PPIG: variants seen among roughly 807,000 people sequenced by gnomAD.
The protein encoded by PPIG is peptidyl-prolyl cis-trans isomerase G.
In PPIG, 26 loss-of-function variants were observed where a neutral mutation model predicts 87.9. The observed-to-expected ratio is 0.30, with a 90% CI of 0.22 to 0.41. PPIG has a LOEUF of 0.41. PPIG is among the 10% of genes least tolerant of loss of function. The probability of loss-of-function intolerance (pLI) is 1.00; values close to 1 mark genes in which losing one functional copy is unlikely to be tolerated. For missense variants in PPIG, 722 were observed against 879.4 expected (o/e 0.82, Z 2.26); for synonymous variants, 308 against 276.5 (o/e 1.11, Z -1.13).
At chr2:169,594,499 A>G (rs924732859) in intron 1 of PPIG, among the ~76,000 whole-genome samples, 3 of 151,934 alleles carry the variant, frequency 2.0e-5, no homozygotes, top group Non-Finnish European at 4.4e-5. Flanking sequence ...GTGCTTACTG[A>G]TACGTGTGAA....
chr2:169,617,009 CTT>C (rs1685623825), intron 9 of PPIG, among the ~76,000 whole-genome samples: 1 of 150,972 alleles, frequency 6.6e-6, no homozygotes, highest in Non-Finnish European at 1.5e-5. Flanking sequence ...TAATCTATCT[CTT>C]GAGTTAATTT....
chr2:169,601,060 T>C (rs1685167319), intron 1 of PPIG, among the ~76,000 whole-genome samples: 1 of 152,242 alleles, frequency 6.6e-6, no homozygotes, highest in African/African-American at 2.4e-5. Flanking sequence ...AATAGGGTAT[T>C]GTTTTATGGT....
At chr2:169,585,598 T>C (rs1241848958) in intron 1 of PPIG, among the ~76,000 whole-genome samples, 1 of 152,176 alleles carries the variant, frequency 6.6e-6, no homozygotes, top group African/African-American at 2.4e-5. Flanking sequence ...CTAGATGTGC[T>C]GGCAAGGAGT....
intron 2 of PPIG, 105 bp downstream of exon 2, chr2:169,603,799 AATG>A: frequency 1.9e-6 from 1 of 518,320 alleles, no homozygotes; most frequent in South Asian, 2.6e-5. Context: ...ATTACATAAT[AATG>A]GTTAAGGCTT....
intron 1 of PPIG, among the ~76,000 whole-genome samples, chr2:169,592,705 G>A (rs1684903155): frequency 6.6e-6 from 1 of 151,980 alleles, no homozygotes; most frequent in African/African-American, 2.4e-5. Flanking sequence ...CCCTCAAAGT[G>A]CTGGGATTAC....
chr2:169,584,555 G>A, intron 1 of PPIG, 65 bp downstream of exon 1: 1 of 466,440 alleles, frequency 2.1e-6, no homozygotes, highest in Non-Finnish European at 4.4e-6. Context: ...GTACGAAAGC[G>A]GGAAGGGCCT....
intron 1 of PPIG, among the ~76,000 whole-genome samples, chr2:169,586,793 A>G (rs544703121): frequency 6.4e-4 from 97 of 152,340 alleles, no homozygotes; most frequent in African/African-American, 2.0e-3. Flanking sequence ...GTATTTAAAC[A>G]TAATTATAAC....
At chr2:169,622,044 C>A (rs1370266484) in intron 9 of PPIG, among the ~76,000 whole-genome samples, 1 of 151,928 alleles carries the variant, frequency 6.6e-6, no homozygotes, top group Non-Finnish European at 1.5e-5. Flanking sequence ...GGTGACACAA[C>A]AAGGCCCCAT....
intron 1 of PPIG, among the ~76,000 whole-genome samples, chr2:169,590,364 G>A (rs561580064): frequency 4.1e-4 from 63 of 152,284 alleles, no homozygotes; most frequent in African/African-American, 1.4e-3. Flanking sequence ...GTCAGGGCCT[G>A]GAGCAGTGGC....
At chr2:169,620,919 G>A (rs937394130) in intron 9 of PPIG, among the ~76,000 whole-genome samples, 5 of 152,042 alleles carry the variant, frequency 3.3e-5, no homozygotes, top group African/African-American at 7.2e-5. Context: ...AATAATATCA[G>A]TAATTAGTTT....
At chr2:169,601,581 T>C (rs1685185866) in intron 1 of PPIG, among the ~76,000 whole-genome samples, 2 of 152,132 alleles carry the variant, frequency 1.3e-5, no homozygotes, top group Admixed American at 1.3e-4. Flanking sequence ...GGATGAACCA[T>C]GTGAAGATGG....
At chr2:169,625,511 CT>C (rs1017790907) in intron 9 of PPIG, among the ~76,000 whole-genome samples, 34 of 152,038 alleles carry the variant, frequency 2.2e-4, no homozygotes, top group Non-Finnish European at 1.5e-4. Flanking sequence ...CTTTGCCAGC[CT>C]AATGGATTTT....
chr2:169,604,892 A>G (rs1317689194), intron 4 of PPIG, among the ~76,000 whole-genome samples: 2 of 150,098 alleles, frequency 1.3e-5, no homozygotes, highest in Non-Finnish European at 3.0e-5. Context: ...AAAAAGAAAG[A>G]AATATTATGG....
At chr2:169,624,361 A>G (rs1685829510) in intron 9 of PPIG, among the ~76,000 whole-genome samples, 2 of 152,230 alleles carry the variant, frequency 1.3e-5, no homozygotes, top group Admixed American at 1.3e-4. Flanking sequence ...AAGTTTGGGA[A>G]ATCATTCTAC....
At chr2:169,593,142 A>ATC (rs771182411) in intron 1 of PPIG, among the ~76,000 whole-genome samples, 1,560 of 151,108 alleles carry the variant, frequency 0.01, 10 homozygotes, top group Non-Finnish European at 0.017. Flanking sequence ...ATATATATAT[A>ATC]TCTTAGGAAT....
At chr2:169,607,299 A>T in intron 6 of PPIG, 151 bp downstream of exon 6, 1 of 494,700 alleles carries the variant, frequency 2.0e-6, no homozygotes. Flanking sequence ...GGTAAAAAAA[A>T]TTGCTTTTTA....
At chr2:169,627,048 G>A (rs111319329) in intron 9 of PPIG, among the ~76,000 whole-genome samples, 1 of 151,928 alleles carries the variant, frequency 6.6e-6, no homozygotes. Flanking sequence ...TCTGATTCTT[G>A]AGCAGATTAT....
chr2:169,619,897 C>T (rs1168527974), intron 9 of PPIG, among the ~76,000 whole-genome samples: 2 of 152,002 alleles, frequency 1.3e-5, no homozygotes, highest in Non-Finnish European at 2.9e-5. Context: ...AGAAATATCT[C>T]TTCAGATTCT....
chr2:169,598,697 A>C (rs16857058), intron 1 of PPIG, among the ~76,000 whole-genome samples: 3,841 of 151,820 alleles, frequency 0.025, 178 homozygotes, highest in African/African-American at 0.088. Context: ...CATTCTTTCT[A>C]ATAGCTTTGT....
Sources: allele counts gnomAD v4.1 joint callset (sites outside exome capture counted in the v4.1 genomes callset), GRCh38; gene constraint gnomAD v4.1.1; transcripts MANE v1.5; gene names NCBI Gene and HGNC (gene_info 2026-07-23, HGNC 2026-07-21).